TMEM178A: variants seen among roughly 807,000 people sequenced by gnomAD.
TMEM178A encodes the protein transmembrane protein 178A.
In TMEM178A, 12 loss-of-function variants were observed where a neutral mutation model predicts 29.1. That is an observed-to-expected ratio of 0.41 (90% confidence interval 0.26 to 0.67). The LOEUF is 0.67. Ranked by LOEUF, TMEM178A falls within the 30% of genes least tolerant of loss-of-function variation. The pLI is 0.29. For missense variants in TMEM178A, 366 were observed against 419.1 expected (o/e 0.87, Z 1.11); for synonymous variants, 210 against 187.2 (o/e 1.12, Z -0.99).
chr2:39,704,450 C>G (rs1010851390), intron 2 of TMEM178A, among the ~76,000 whole-genome samples: 1 of 152,146 alleles, frequency 6.6e-6, no homozygotes, highest in Non-Finnish European at 1.5e-5. Flanking sequence ...ACACAGCTGC[C>G]TACTGAATCT....
At chr2:39,733,695 TG>T in the TMEM178A span, among the ~76,000 whole-genome samples, 3 of 152,350 alleles carry the variant, frequency 2.0e-5, no homozygotes, top group East Asian at 5.8e-4. Flanking sequence ...GTTGCAAAAT[TG>T]GATGTTTGCA....
At chr2:39,665,683 G>A, upstream of TMEM178A, 1 of 305,830 alleles carries the variant, frequency 3.3e-6, no homozygotes, top group East Asian at 4.9e-5. Context: ...GGGGGGCGCC[G>A]GGGCGAGGAG....
intron 1 of TMEM178A, among the ~76,000 whole-genome samples, chr2:39,695,587 G>T (rs929984244): frequency 2.6e-5 from 4 of 151,798 alleles, no homozygotes; most frequent in African/African-American, 9.7e-5. Flanking sequence ...TGTAGGCTAG[G>T]ATGGTCACAG....
At chr2:39,708,457 C>A (rs1672142876) in intron 3 of TMEM178A, among the ~76,000 whole-genome samples, 1 of 114,074 alleles carries the variant, frequency 8.8e-6, no homozygotes, top group African/African-American at 3.3e-5. Context: ...TTCGCTCTGT[C>A]GCCCAGGCTG....
the TMEM178A span, among the ~76,000 whole-genome samples, chr2:39,729,090 TA>T: frequency 6.6e-6 from 1 of 151,236 alleles, no homozygotes; most frequent in Non-Finnish European, 1.5e-5. Context: ...AGGAATTCAT[TA>T]AAAAAAAATT....
At chr2:39,734,689 CTAAAT>C in the TMEM178A span, among the ~76,000 whole-genome samples, 1 of 152,194 alleles carries the variant, frequency 6.6e-6, no homozygotes, top group Non-Finnish European at 1.5e-5. Context: ...CTAGACTAGT[CTAAAT>C]TAGAGTGTCT....
chr2:39,672,700 TA>T (rs938089584), intron 1 of TMEM178A, among the ~76,000 whole-genome samples: 34 of 148,176 alleles, frequency 2.3e-4, no homozygotes, highest in Admixed American at 9.4e-4. Context: ...CTGGCTGATT[TA>T]AAAAAAAAAC....
chr2:39,667,335 AT>A (rs3032158), intron 1 of TMEM178A, among the ~76,000 whole-genome samples: 7,902 of 141,192 alleles, frequency 0.056, 412 homozygotes, highest in African/African-American at 0.14. Context: ...AGATAGTTTG[AT>A]TTTTTTTTTT....
chr2:39,704,006 G>T, intron 1 of TMEM178A, 75 bp from the exon 2 acceptor site: 1 of 1,241,136 alleles, frequency 8.1e-7, no homozygotes, highest in Non-Finnish European at 1.2e-6. Context: ...GTTAGGTTAC[G>T]GTATTCTGCC....
chr2:39,697,714 A>G (rs1170892590), intron 1 of TMEM178A: 2 of 152,290 alleles, frequency 1.3e-5, no homozygotes, highest in East Asian at 1.9e-4. Context: ...TGTGTGCACT[A>G]CTTACCTAAT....
At chr2:39,690,533 C>T (rs1044386770) in intron 1 of TMEM178A, among the ~76,000 whole-genome samples, 1 of 152,178 alleles carries the variant, frequency 6.6e-6, no homozygotes, top group Non-Finnish European at 1.5e-5. Flanking sequence ...AAGATGCCCC[C>T]CACTGCCTGC....
At chr2:39,733,358 G>T in the TMEM178A span, among the ~76,000 whole-genome samples, 2 of 152,274 alleles carry the variant, frequency 1.3e-5, no homozygotes, top group South Asian at 4.2e-4. Flanking sequence ...TTAATGCTTT[G>T]TGTCACCAGA....
At chr2:39,729,378 C>T in the TMEM178A span, among the ~76,000 whole-genome samples, 1 of 152,198 alleles carries the variant, frequency 6.6e-6, no homozygotes, top group African/African-American at 2.4e-5. Context: ...TATCATATGT[C>T]AGTGTCTGGC....
At chr2:39,666,561 T>TC (rs1425669388) in intron 1 of TMEM178A, among the ~76,000 whole-genome samples, 187 bp downstream of exon 1, 1 of 152,030 alleles carries the variant, frequency 6.6e-6, no homozygotes, top group African/African-American at 2.4e-5. Context: ...TCCCTTCTTC[T>TC]CCCTCTCCTT....
intron 1 of TMEM178A, among the ~76,000 whole-genome samples, chr2:39,688,634 A>G (rs1671182951): frequency 6.6e-6 from 1 of 152,252 alleles, no homozygotes; most frequent in Non-Finnish European, 1.5e-5. Context: ...TGGGCTGAAA[A>G]AGTAAAAGGA....
intron 1 of TMEM178A, among the ~76,000 whole-genome samples, chr2:39,685,627 G>C (rs1671045185): frequency 6.6e-6 from 1 of 152,212 alleles, no homozygotes; most frequent in South Asian, 2.1e-4. Flanking sequence ...ATGTGACCAA[G>C]TAAGGTAAGG....
chr2:39,706,884 T>C (rs112621810), intron 2 of TMEM178A, among the ~76,000 whole-genome samples, 165 bp from the exon 3 acceptor site: 5 of 152,356 alleles, frequency 3.3e-5, no homozygotes, highest in South Asian at 2.1e-4. Context: ...AGTCCTCTTA[T>C]GGAATACCTG....
chr2:39,721,199 A>G (rs1010842519), downstream of TMEM178A, among the ~76,000 whole-genome samples: 2 of 152,238 alleles, frequency 1.3e-5, no homozygotes, highest in Non-Finnish European at 2.9e-5. Context: ...ATGCAGGACA[A>G]CCACAAATGC....
At chr2:39,726,963 A>G in the TMEM178A span, among the ~76,000 whole-genome samples, 5 of 152,370 alleles carry the variant, frequency 3.3e-5, no homozygotes, top group East Asian at 7.7e-4. Context: ...TCTCTTGAAC[A>G]TAATTCATGG....
Sources: allele counts gnomAD v4.1 joint callset (sites outside exome capture counted in the v4.1 genomes callset), GRCh38; gene constraint gnomAD v4.1.1; transcripts MANE v1.5; gene names NCBI Gene and HGNC (gene_info 2026-07-23, HGNC 2026-07-21).